The following RELN variants were observed in gnomAD, a reference collection of about 807,000 sequenced individuals.
The protein encoded by RELN is reelin.
Under a neutral mutation model 427.6 loss-of-function variants are expected in RELN, and 108 were observed. That is an observed-to-expected ratio of 0.25 (90% CI 0.22 to 0.30). The LOEUF is 0.30. Ranked by LOEUF, RELN falls within the 10% of genes least tolerant of loss-of-function variation. RELN has a pLI of 1.00. For synonymous variants in RELN, 1,524 were observed against 1,513.4 expected (o/e 1.01, Z -0.16); for missense variants, 3,715 against 4,302.8 (o/e 0.86, Z 3.82).
At chr7:103,785,461 C>A (rs1791992554) in intron 3 of RELN, among the ~76,000 whole-genome samples, 2 of 152,108 alleles carry the variant, frequency 1.3e-5, no homozygotes, top group Non-Finnish European at 2.9e-5. Context: ...TTTAAGTGGA[C>A]TCAAAGAAAG....
intron 2 of RELN, among the ~76,000 whole-genome samples, chr7:103,889,562 A>AAG (rs2116586066): frequency 6.6e-6 from 1 of 152,262 alleles, no homozygotes; most frequent in South Asian, 2.1e-4. Context: ...CGTTGATACA[A>AAG]ACGGGCTTAG....
At chr7:103,714,524 C>T (rs754073603) in intron 8 of RELN, among the ~76,000 whole-genome samples, 5 of 152,152 alleles carry the variant, frequency 3.3e-5, no homozygotes, top group African/African-American at 7.2e-5. Flanking sequence ...GTATGCTCTC[C>T]GCTGCTGTCC....
chr7:103,758,347 AATGTTACACAGGT>A (rs1345005229), intron 4 of RELN, among the ~76,000 whole-genome samples: 2 of 152,130 alleles, frequency 1.3e-5, no homozygotes, highest in African/African-American at 4.8e-5. Context: ...TAAAATATAA[AATGTTACACAGGT>A]AAGTTAAAAT....
chr7:103,652,475 A>C, intron 14 of RELN, 76 bp downstream of exon 14: 1 of 1,165,152 alleles, frequency 8.6e-7, no homozygotes, highest in Non-Finnish European at 1.3e-6. Context: ...CTCTACCTAG[A>C]AACTACCTCT....
intron 3 of RELN, among the ~76,000 whole-genome samples, chr7:103,826,645 G>A (rs969449678): frequency 1.3e-5 from 2 of 151,924 alleles, no homozygotes; most frequent in Non-Finnish European, 2.9e-5. Flanking sequence ...TTGGAAAAAC[G>A]AAATTTCACA....
Position 103,494,394 on chromosome 7 carries a change from G to GTGTGTGTGTGTGTGA in RELN, c.9369+1328_9369+1329insTCACACACACACACA, listed in dbSNP as rs774896895. ...GTGTGTGTGTGTGTGTGTGTGTGTG[G>GTGTGTGTGTGTGTGA]GATATGGTCTTGTTCTGTTGCCCTA... On this transcript the variant is annotated intron_variant, in intron 57 of 64. Coordinates refer to ENST00000428762, the MANE Select transcript of RELN (RefSeq NM_005045.4). Among the ~76,000 whole-genome samples, 228 of 134,546 alleles carry GTGTGTGTGTGTGTGA rather than the reference G, an allele frequency of 1.7e-3. 1 individual carries two copies. The highest frequency in any genetic ancestry group is 6.5e-3 in the African/African-American group (218 of 33,430). 88.3% of individuals were successfully genotyped at this position (134,546 alleles called of 152,430 possible).
At position 103,989,130 on chromosome 7, in the gene RELN, C is replaced by G. The variant is rs749912189; in HGVS notation, c.226+1G>C. 2 of 1,613,608 alleles carry G rather than the reference C, an allele frequency of 1.2e-6. No homozygotes were observed. The highest frequency in any genetic ancestry group is 1.7e-6 in the Non-Finnish European group (2 of 1,179,774). ...GAGCGCGGAGGTGCTGCGGTACCTA[C>G]CATGGTATTCTTGTCCCGGAACGTA... On this transcript the variant is annotated splice_donor_variant, in intron 1 of 64. Transcript: ENST00000428762. LOFTEE classifies it high-confidence loss of function. The surrounding 1 kb of genome is among the most constrained non-coding windows in gnomAD (Gnocchi z 4.9).
chr7:103,722,482 T>C (rs1182228106), intron 8 of RELN, among the ~76,000 whole-genome samples: 3 of 152,120 alleles, frequency 2.0e-5, no homozygotes, highest in Non-Finnish European at 4.4e-5. Flanking sequence ...CCCTAGAACA[T>C]TTCCTCTGTA....
At chr7:103,476,164 T>A (rs945517932) in intron 64 of RELN, among the ~76,000 whole-genome samples, 33 of 152,180 alleles carry the variant, frequency 2.2e-4, no homozygotes, top group Admixed American at 2.0e-3. Context: ...AGTGTTTATA[T>A]AGTCACATTA....
chr7:103,566,546 A>G, intron 32 of RELN, 55 bp downstream of exon 32: 9 of 1,607,654 alleles, frequency 5.6e-6, no homozygotes, highest in Non-Finnish European at 7.7e-6. Flanking sequence ...CAAGGTGGGT[A>G]TGGATACTTC....
chr7:103,509,860 C>T (rs1470410503), intron 51 of RELN, among the ~76,000 whole-genome samples: 1 of 151,766 alleles, frequency 6.6e-6, no homozygotes, highest in Non-Finnish European at 1.5e-5. Flanking sequence ...CAAAAGAAGA[C>T]ATTTATGTGG....
In RELN at chr7:103,798,706, C is replaced by G. The variant is rs12674461; in HGVS notation, c.474-22079G>C. Among the ~76,000 whole-genome samples the G allele has an allele frequency of 9.1e-4, 139 of 152,312 alleles. 1 individual carries two copies. The East Asian group carries it at 0.024, about 27-fold the overall frequency. On this transcript the variant is annotated intron_variant, in intron 3 of 64. Coordinates refer to ENST00000428762, the MANE Select transcript of RELN (RefSeq NM_005045.4). ...GGGCATTGCTTTGCCCGCTTCCATG[C>G]TATCTCAGTGTTTAGGGCTTCTATC...
At position 103,538,486 on chromosome 7, in the gene RELN, A is replaced by ATTCTAGGG. The variant is rs369012570; in HGVS notation, c.7180+584_7180+591dup. Among the ~76,000 whole-genome samples the ATTCTAGGG allele has an allele frequency of 2.3e-3, 349 of 152,222 alleles. 1 individual carries two copies. Among genetic ancestry groups the ATTCTAGGG allele is most frequent in the African/African-American group, 8.0e-3 (331 of 41,546 alleles). On this transcript the variant is annotated intron_variant, in intron 45 of 64. Coordinates refer to ENST00000428762, the MANE Select transcript of RELN (RefSeq NM_005045.4). ...TGTGAGTGTACACATGCACATACTC[A>ATTCTAGGG]TTCTAGGGGGTGCAAATTGGTCACA...
chr7:103,750,900 T>A lies in RELN; in HGVS notation c.578-1396A>T, dbSNP rs143036598. 1.6e-3 allele frequency among the ~76,000 whole-genome samples: 250 copies of A among 152,314 alleles called. 1 individual carries two copies. The highest frequency in any genetic ancestry group is 5.8e-3 in the African/African-American group (242 of 41,558). ...GGTATATTGAATACCTATTTTTAAG[T>A]TCTAGAAGAACTTTGGGCATGTCAA... On this transcript the variant is annotated intron_variant, in intron 5 of 64. Transcript: ENST00000428762.
intron 4 of RELN, among the ~76,000 whole-genome samples, chr7:103,771,750 C>A (rs1791575337): frequency 8.2e-6 from 1 of 121,308 alleles, no homozygotes; most frequent in Non-Finnish European, 1.7e-5. Context: ...CTAACATATC[C>A]CCTTCTTTCT....
intron 10 of RELN, among the ~76,000 whole-genome samples, chr7:103,687,871 C>G (rs957700522): frequency 2.0e-5 from 3 of 152,060 alleles, no homozygotes; most frequent in African/African-American, 7.2e-5. Context: ...TGTGCTATTG[C>G]CACTCTTGTC....
chr7:103,523,310 C>A, intron 47 of RELN, 81 bp downstream of exon 47: 3 of 1,548,708 alleles, frequency 1.9e-6, no homozygotes, highest in African/African-American at 2.7e-5. Flanking sequence ...GGGAGTGATT[C>A]AAAAACCAGT....
In RELN at chr7:103,496,592, G is replaced by T. The variant is rs747144808; in HGVS notation, c.9127C>A (p.Leu3043Met). 2 of 1,614,120 alleles carry T rather than the reference G, an allele frequency of 1.2e-6. No homozygotes were observed. Among genetic ancestry groups the T allele is most frequent in the Admixed American group, 3.3e-5 (2 of 60,016 alleles). The stretch of plus-strand genomic sequence containing the variant: ...GCTCCACCAATCAAAATGTTGTCCA[G>T]TGCCCACTGAGCACGCTCCACCCCA... ...VSGVERAQWALDNILIGGAEI... is the reference protein window; with the variant it reads ...VSGVERAQWAMDNILIGGAEI... Residue 3043 changes from leucine (L) to methionine (M), a missense_variant, in exon 56 of 65, where the codon CTG becomes ATG. Leu to Met is a conservative substitution (Grantham distance 15, BLOSUM62 2). Coordinates refer to ENST00000428762, the MANE Select transcript of RELN (RefSeq NM_005045.4).
rs1183216264 is a variant in RELN at position 103,644,543 on chromosome 7, G to A, written c.2003-3934C>T. On this transcript the variant is annotated intron_variant, in intron 16 of 64. Coordinates refer to ENST00000428762, the MANE Select transcript of RELN (RefSeq NM_005045.4). The stretch of plus-strand genomic sequence containing the variant: ...AGCAGAAGAAATAATCTCAGAGCTC[G>A]AATACAGGTTTTTCAAGCTAACACA... Among the ~76,000 whole-genome samples, 7 of 150,942 alleles carry A rather than the reference G, an allele frequency of 4.6e-5. No individual in the cohort carries two copies. In the East Asian group the frequency reaches 5.9e-4, roughly 13 times the overall value.
Sources: allele counts gnomAD v4.1 joint callset (sites outside exome capture counted in the v4.1 genomes callset), GRCh38; gene constraint gnomAD v4.1.1; non-coding constraint Gnocchi (gnomAD v3.1); transcripts MANE v1.5; gene names NCBI Gene and HGNC (gene_info 2026-07-23, HGNC 2026-07-21).